PCDH19: variants seen among roughly 807,000 people sequenced by gnomAD.
The protein encoded by PCDH19 is protocadherin-19.
A neutral mutation model predicts 46.2 loss-of-function variants in PCDH19; 6 were observed. That is an observed-to-expected ratio of 0.13 (90% CI 0.07 to 0.26). The LOEUF (loss-of-function observed/expected upper bound fraction) is 0.26. Among genes scored for constraint, PCDH19 ranks in the 10% least tolerant of loss-of-function variants. The pLI is 1.00. For missense variants in PCDH19, 740 were observed against 972.3 expected (o/e 0.76, Z 3.18); for synonymous variants, 481 against 415.7 (o/e 1.16, Z -1.91).
intron 5 of PCDH19, among the ~76,000 whole-genome samples, chrX:100,338,982 A>T (rs987640893): frequency 5.2e-4 from 58 of 112,141 alleles, no homozygotes; most frequent in African/African-American, 1.7e-3. Context: ...AATATGCAGT[A>T]CTAATATCCA....
chrX:100,327,937 A>T (rs1925748393), intron 5 of PCDH19, among the ~76,000 whole-genome samples: 1 of 111,974 alleles, frequency 8.9e-6, no homozygotes, highest in South Asian at 3.7e-4. Flanking sequence ...ATGAAAACTT[A>T]AGATACCAAA....
intron 3 of PCDH19, among the ~76,000 whole-genome samples, chrX:100,382,733 T>C (rs1445397117): frequency 9.0e-6 from 1 of 111,559 alleles, no homozygotes; most frequent in African/African-American, 3.3e-5. Context: ...TAAATTGATA[T>C]CCACTGACTC....
chrX:100,397,637 G>A (rs1428602118), intron 3 of PCDH19, among the ~76,000 whole-genome samples: 1 of 111,729 alleles, frequency 9.0e-6, no homozygotes, highest in Non-Finnish European at 1.9e-5. Context: ...TGGGTGTTTG[G>A]GCCATTTCAC....
At chrX:100,350,538 T>C (rs1602600350) in intron 4 of PCDH19, 108 bp downstream of exon 4, 2 of 570,546 alleles carry the variant, frequency 3.5e-6, no homozygotes, top group East Asian at 3.6e-5. Flanking sequence ...AGGTTGGACA[T>C]TCATTTTAAA....
chrX:100,340,408 T>A (rs1926219300), intron 5 of PCDH19, among the ~76,000 whole-genome samples: 1 of 112,283 alleles, frequency 8.9e-6, no homozygotes, highest in East Asian at 2.8e-4. Context: ...AGAGAGCATC[T>A]AACTAAAACC....
At chrX:100,322,860 TATATA>T (rs1161452116) in intron 5 of PCDH19, among the ~76,000 whole-genome samples, 2 of 65,744 alleles carry the variant, frequency 3.0e-5, no homozygotes, top group African/African-American at 1.4e-4. Context: ...TATATATATA[TATATA>T]TTTTTGCAGC....
intron 3 of PCDH19, among the ~76,000 whole-genome samples, chrX:100,363,503 T>C (rs759813671): frequency 9.4e-6 from 1 of 106,591 alleles, no homozygotes; most frequent in East Asian, 2.9e-4. Flanking sequence ...ATATTGTGAA[T>C]AGTTTTCTTT....
At chrX:100,389,492 T>C (rs1301116580) in intron 3 of PCDH19, among the ~76,000 whole-genome samples, 2 of 110,817 alleles carry the variant, frequency 1.8e-5, no homozygotes, top group Non-Finnish European at 3.8e-5. Flanking sequence ...TAATTAACAA[T>C]ACTGTATTGT....
Position 100,408,559 on chromosome X carries a change from G to A in PCDH19, c.39C>T (p.Ala13=), listed in dbSNP as rs773244265. Reference sequence around the variant, plus strand: ...GGGCGGCAGCCTGCGTCCACAGTATGGCCAGCAGCAGCAGCACCGGCAGCA... The same window carrying A: ...GGGCGGCAGCCTGCGTCCACAGTATAGCCAGCAGCAGCAGCACCGGCAGCA... ...SLLLPVLLLL[A]ILWTQAAALI... The change falls in exon 1 of 6, where the codon GCC becomes GCT. Residue 13 remains alanine, a synonymous_variant. Coordinates refer to ENST00000373034, the MANE Select transcript of PCDH19 (RefSeq NM_001184880.2). 63 of 1,190,440 alleles carry A rather than the reference G, an allele frequency of 5.3e-5. No homozygotes were observed. Among genetic ancestry groups the A allele is most frequent in the Non-Finnish European group, 6.9e-5 (61 of 889,814 alleles).
chrX:100,363,561 G>A (rs1004258040), intron 3 of PCDH19, among the ~76,000 whole-genome samples: 5 of 102,947 alleles, frequency 4.9e-5, no homozygotes, highest in African/African-American at 3.6e-5. Context: ...CTTTATCTAC[G>A]CTATCAGAAA....
intron 3 of PCDH19, among the ~76,000 whole-genome samples, chrX:100,367,958 T>C (rs745780309): frequency 9.0e-6 from 1 of 110,791 alleles, no homozygotes; most frequent in Non-Finnish European, 1.9e-5. Context: ...GATTTTGGAT[T>C]TTGCAAGTTA....
At position 100,407,279 on chromosome X, in the gene PCDH19, G is replaced by A. The variant is rs775374379; in HGVS notation, c.1319C>T (p.Thr440Ile). 8.2e-6 allele frequency: 10 copies of A among 1,212,150 alleles called. No individual in the cohort carries two copies. The highest frequency in any genetic ancestry group is 2.3e-4 in the Middle Eastern group (1 of 4,355). Residue 440 changes from threonine (T) to isoleucine (I), a missense_variant, in exon 1 of 6, where the codon ACC (threonine) becomes ATC (isoleucine). Physicochemically the swap from Thr to Ile is moderately conservative, Grantham distance 89. Transcript: ENST00000373034. ...VPMLQSAKSFTVLITDENDNH... is the reference protein window; with the variant it reads ...VPMLQSAKSFIVLITDENDNH... ...GTCATTTTCGTCAGTGATGAGCACGGTAAAGGACTTGGCACTCTGCAGCAT... is the reference window on the plus strand; with the variant it reads ...GTCATTTTCGTCAGTGATGAGCACGATAAAGGACTTGGCACTCTGCAGCAT...
intron 3 of PCDH19, among the ~76,000 whole-genome samples, chrX:100,388,674 A>G (rs1789541582): frequency 9.0e-6 from 1 of 110,705 alleles, no homozygotes; most frequent in Non-Finnish European, 1.9e-5. Context: ...AGATTATATC[A>G]ATTTTTTAAA....
intron 3 of PCDH19, among the ~76,000 whole-genome samples, chrX:100,370,332 C>A (rs1927181244): frequency 8.9e-6 from 1 of 111,984 alleles, no homozygotes; most frequent in African/African-American, 3.2e-5. Context: ...GCACAAATAA[C>A]CAAACTGTTG....
intron 5 of PCDH19, among the ~76,000 whole-genome samples, chrX:100,323,488 C>G (rs1302444770): frequency 9.0e-6 from 1 of 111,720 alleles, no homozygotes. Flanking sequence ...GATCCTTGCA[C>G]TGCTTTACAA....
intron 5 of PCDH19, among the ~76,000 whole-genome samples, chrX:100,300,124 G>A (rs1924730368): frequency 9.0e-6 from 1 of 111,493 alleles, no homozygotes; most frequent in African/African-American, 3.3e-5. Flanking sequence ...CCCAGCACAG[G>A]GTAATTTACA....
At chrX:100,339,347 G>C (rs1370149048) in intron 5 of PCDH19, among the ~76,000 whole-genome samples, 1 of 111,655 alleles carries the variant, frequency 9.0e-6, no homozygotes, top group Admixed American at 9.5e-5. Context: ...TCTCAGTCCA[G>C]TGCAGATTCT....
At chrX:100,297,396 C>T (rs1017273036) in intron 5 of PCDH19, among the ~76,000 whole-genome samples, 2 of 111,486 alleles carry the variant, frequency 1.8e-5, no homozygotes, top group Non-Finnish European at 3.8e-5. Context: ...ATCCTACTCT[C>T]TGTGAAAGCC....
chrX:100,333,223 AAG>A (rs1925971419), intron 5 of PCDH19, among the ~76,000 whole-genome samples: 1 of 105,964 alleles, frequency 9.4e-6, no homozygotes, highest in South Asian at 4.4e-4. Context: ...GAAAGAAAGA[AAG>A]AAAGAAAGAA....
Sources: gnomAD v4.1 joint callset for allele counts (sites outside exome capture counted in the v4.1 genomes callset) on GRCh38, gnomAD v4.1.1 for gene constraint, MANE v1.5 for transcripts, NCBI Gene and HGNC (gene_info 2026-07-23, HGNC 2026-07-21) for gene names.